The following GOLM2 variants were observed in gnomAD, a reference collection of about 807,000 sequenced individuals.
GOLM2 encodes golgi membrane protein 2, also known as protein GOLM2.
Under a neutral mutation model 55.9 loss-of-function variants are expected in GOLM2, and 26 were observed. That is an observed-to-expected ratio of 0.47 (90% CI 0.34 to 0.65). The LOEUF (loss-of-function observed/expected upper bound fraction) is 0.65, where lower values mean the gene tolerates loss of function less well. GOLM2 is among the 30% of genes least tolerant of loss of function. The pLI, the probability that GOLM2 is intolerant of heterozygous loss-of-function variation, is 0.01. For missense variants in GOLM2, 486 were observed against 531.8 expected, an observed-to-expected ratio of 0.91 and a Z score of 0.85; for synonymous variants, 165 against 194.6, an observed-to-expected ratio of 0.85 and a Z score of 1.27.
chr15:44,323,918 C>A (rs1434268571), intron 2 of GOLM2, among the ~76,000 whole-genome samples: 1 of 152,148 alleles, frequency 6.6e-6, no homozygotes, highest in Non-Finnish European at 1.5e-5. Context: ...TGTGTTGTAA[C>A]CCTAAAATAA....
At chr15:44,355,356 T>C in intron 6 of GOLM2, 1 of 163,190 alleles carries the variant, frequency 6.1e-6, no homozygotes, top group South Asian at 1.5e-4. Context: ...ATCCCTGAGC[T>C]GAATGGGGAG....
Position 44,289,193 on chromosome 15 carries a change from G to C in GOLM2, c.164G>C (p.Arg55Pro). 6.2e-7 allele frequency: 1 copy of C among 1,614,194 alleles called. No individual in the cohort carries two copies. The highest frequency in any genetic ancestry group is 1.1e-5 in the South Asian group (1 of 91,090). Reference sequence around the variant, plus strand: ...GCCGAGCTGCAGGGCCAGGTCCAGCGCACCGAAGTGGCCCGCGGGCGGCTG... The same window carrying C: ...GCCGAGCTGCAGGGCCAGGTCCAGCCCACCGAAGTGGCCCGCGGGCGGCTG... ...EVAELQGQVQRTEVARGRLEK... is the reference protein window; with the variant it reads ...EVAELQGQVQPTEVARGRLEK... Residue 55 changes from arginine to proline, a missense_variant, in exon 1 of 10, where the codon CGC becomes CCC. Coordinates refer to ENST00000299957, the MANE Select transcript of GOLM2 (RefSeq NM_138423.4). This position sits in a 1 kb window ranked among gnomAD's most constrained non-coding sequence, Gnocchi z 4.8.
At chr15:44,338,941 C>T (rs2079074458) in intron 6 of GOLM2, among the ~76,000 whole-genome samples, 1 of 152,036 alleles carries the variant, frequency 6.6e-6, no homozygotes, top group African/African-American at 2.4e-5. Flanking sequence ...CATGTCTCTT[C>T]TTTGTTTTTC....
rs1331980833 is a variant in GOLM2 at position 44,322,956 on chromosome 15, T to A, written c.328-9T>A. 1 of 1,557,688 alleles carries A rather than the reference T, an allele frequency of 6.4e-7. No homozygotes were observed. Among genetic ancestry groups the A allele is most frequent in the East Asian group, 2.4e-5 (1 of 42,372 alleles). On this transcript the variant is annotated splice_polypyrimidine_tract_variant and intron_variant, in intron 1 of 9. Coordinates refer to ENST00000299957, the MANE Select transcript of GOLM2 (RefSeq NM_138423.4). ...TTTTTAGTAAAATGAGAACTTAATTTTTTTTCAGGTTAAACTACAGAACAA... is the reference window on the plus strand; with the variant it reads ...TTTTTAGTAAAATGAGAACTTAATTATTTTTCAGGTTAAACTACAGAACAA...
At chr15:44,339,484 G>A (rs964150314) in intron 6 of GOLM2, among the ~76,000 whole-genome samples, 1 of 152,008 alleles carries the variant, frequency 6.6e-6, no homozygotes, top group African/African-American at 2.4e-5. Flanking sequence ...GATTACAGGT[G>A]TGTGCCACCA....
chr15:44,324,120 T>C (rs1406975501), intron 2 of GOLM2, among the ~76,000 whole-genome samples: 1 of 152,216 alleles, frequency 6.6e-6, no homozygotes, highest in Admixed American at 6.5e-5. Context: ...TTACAAATGC[T>C]TTCACTTGTC....
chr15:44,311,344 G>A (rs1021723155), intron 1 of GOLM2, among the ~76,000 whole-genome samples: 1 of 152,104 alleles, frequency 6.6e-6, no homozygotes. Flanking sequence ...CCCCAAAAAT[G>A]TTGGGGAAAT....
At chr15:44,331,571 A>T (rs1284363704) in intron 3 of GOLM2, among the ~76,000 whole-genome samples, 1 of 152,102 alleles carries the variant, frequency 6.6e-6, no homozygotes, top group East Asian at 1.9e-4. Flanking sequence ...CTACTATTGG[A>T]TGAATCTTCT....
Position 44,359,250 on chromosome 15 carries a change from T to C in GOLM2, c.803-20440T>C, listed in dbSNP as rs1189815904. 5.3e-5 allele frequency among the ~76,000 whole-genome samples: 8 copies of C among 151,916 alleles called. No homozygotes were observed. In the South Asian group the frequency reaches 1.5e-3, roughly 28 times the overall value. On this transcript the variant is annotated intron_variant, in intron 6 of 9. Transcript: ENST00000299957. The stretch of plus-strand genomic sequence containing the variant: ...GGAGAAAAATTTTGTAAAAGACATA[T>C]CTGATAAAAGATCTATGCAAAATAT...
At chr15:44,410,997 A>T (rs2079634560) in intron 9 of GOLM2, among the ~76,000 whole-genome samples, 4 of 149,816 alleles carry the variant, frequency 2.7e-5, no homozygotes. Context: ...TTGAAAAAGA[A>T]AGTTGGTTTG....
At chr15:44,407,275 TA>T (rs1457937129) in intron 9 of GOLM2, among the ~76,000 whole-genome samples, 2 of 147,794 alleles carry the variant, frequency 1.4e-5, no homozygotes, top group Admixed American at 6.8e-5. Context: ...TATATATATA[TA>T]TTTTTTGGAG....
intron 8 of GOLM2, among the ~76,000 whole-genome samples, chr15:44,391,266 G>A (rs35920732): frequency 6.6e-6 from 1 of 152,022 alleles, no homozygotes; most frequent in African/African-American, 2.4e-5. Flanking sequence ...TGTAATCCCA[G>A]CACTTTGGGA....
At chr15:44,342,388 C>T (rs1169456988) in intron 6 of GOLM2, among the ~76,000 whole-genome samples, 2 of 152,024 alleles carry the variant, frequency 1.3e-5, no homozygotes, top group African/African-American at 2.4e-5. Context: ...CATCGGCTCC[C>T]GAGTAGCTGG....
intron 6 of GOLM2, among the ~76,000 whole-genome samples, chr15:44,362,200 T>C (rs879693226): frequency 2.1e-4 from 31 of 150,176 alleles, no homozygotes; most frequent in African/African-American, 1.7e-4. Context: ...CCAGGGCAAT[T>C]AGGCAGGAGA....
chr15:44,305,553 C>T (rs2078831553), intron 1 of GOLM2, among the ~76,000 whole-genome samples: 1 of 152,154 alleles, frequency 6.6e-6, no homozygotes, highest in Non-Finnish European at 1.5e-5. Flanking sequence ...CCGCCTCTGT[C>T]TCTCAAAGTG....
chr15:44,409,835 G>T (rs1376087082), intron 9 of GOLM2: 1 of 150,514 alleles, frequency 6.6e-6, no homozygotes, highest in African/African-American at 2.4e-5. Context: ...AGAATCGCTT[G>T]AACCCGGGAG....
At chr15:44,405,387 T>C (rs2079590774) in intron 9 of GOLM2, 1 of 152,152 alleles carries the variant, frequency 6.6e-6, no homozygotes, top group African/African-American at 2.4e-5. Flanking sequence ...TAGATGATAG[T>C]GGCAGGATAG....
At chr15:44,384,330 C>G (rs1385488613) in intron 8 of GOLM2, among the ~76,000 whole-genome samples, 1 of 152,066 alleles carries the variant, frequency 6.6e-6, no homozygotes, top group Non-Finnish European at 1.5e-5. Context: ...AGGAATCATA[C>G]GGCCAGGCGC....
intron 6 of GOLM2, among the ~76,000 whole-genome samples, chr15:44,349,359 C>G (rs891427174): frequency 6.6e-6 from 1 of 151,542 alleles, no homozygotes; most frequent in African/African-American, 2.4e-5. Context: ...AGTAGCTATG[C>G]TTAAACAAAA....
Sources: allele counts gnomAD v4.1 joint callset (sites outside exome capture counted in the v4.1 genomes callset), GRCh38; gene constraint gnomAD v4.1.1; non-coding constraint Gnocchi (gnomAD v3.1); transcripts MANE v1.5; gene names NCBI Gene and HGNC (gene_info 2026-07-23, HGNC 2026-07-21).